OR6C75: variants seen among roughly 807,000 people sequenced by gnomAD.
OR6C75 encodes olfactory receptor family 6 subfamily C member 75.
For synonymous variants in OR6C75, 149 were observed against 130.6 expected, an observed-to-expected ratio of 1.14 and a Z score of -0.96; for missense variants, 380 against 368.0, an observed-to-expected ratio of 1.03 and a Z score of -0.27.
rs759717442 is a variant in OR6C75, at chr12:55,365,175, A to G, written c.65A>G (p.Gln22Arg). The change falls in exon 3 of 3, where the codon CAG becomes CGG. Residue 22 changes from glutamine (Q) to arginine (R), a missense_variant. Gln to Arg is a conservative substitution (Grantham distance 43). Coordinates refer to ENST00000641576, the MANE Select transcript of OR6C75 (RefSeq NM_001005497.2). Reference protein sequence around the residue: ...LLGLTSDPQWQVVLFIFLLVT... With the variant: ...LLGLTSDPQWRVVLFIFLLVT... ...GGATTGACAAGTGACCCACAGTGGC[A>G]GGTTGTACTTTTCATATTTCTTCTT... The G allele has an allele frequency of 1.5e-5, 24 of 1,613,160 alleles. No homozygotes were observed. The East Asian group carries it at 5.3e-4, about 36-fold the overall frequency.
rs1170137372 is a variant in OR6C75 at position 55,365,409 on chromosome 12, T to C, written c.299T>C (p.Phe100Ser). 6.2e-6 allele frequency: 10 copies of C among 1,612,884 alleles called. No homozygotes were observed. Among genetic ancestry groups the C allele is most frequent in the Non-Finnish European group, 8.5e-6 (10 of 1,179,962 alleles). The stretch of plus-strand genomic sequence containing the variant: ...TATAATGGGTGTGTGGCTCAGCTAT[T>C]TTTTTTCATCTTCTTGGGGGTGACA... Reference protein sequence around the residue: ...ISYNGCVAQLFFFIFLGVTEF... With the variant: ...ISYNGCVAQLSFFIFLGVTEF... Residue 100 changes from phenylalanine to serine, a missense_variant, in exon 3 of 3, where the codon TTT becomes TCT. By Grantham distance (155) the Phe-to-Ser change is radical. Coordinates refer to ENST00000641576, the MANE Select transcript of OR6C75 (RefSeq NM_001005497.2).
Position 55,364,937 on chromosome 12 carries a change from G to A in OR6C75, c.-174G>A. ...GTTATCCAGCCTCATAAAAGAAGGAGATACTGCCACACTGCCATTTGTGAC... is the reference window on the plus strand; with the variant it reads ...GTTATCCAGCCTCATAAAAGAAGGAAATACTGCCACACTGCCATTTGTGAC... On this transcript the variant is annotated 5_prime_UTR_variant, in exon 3 of 3. Coordinates refer to ENST00000641576, the MANE Select transcript of OR6C75 (RefSeq NM_001005497.2). The A allele has an allele frequency of 1.7e-6, 1 of 582,174 alleles. No homozygotes were observed. The highest frequency in any genetic ancestry group is 3.0e-6 in the Non-Finnish European group (1 of 333,966). The allele number at this position is 582,174 out of a possible 1,614,324, so 36.1% of individuals were successfully genotyped here.
At position 55,368,630 on chromosome 12, in the gene OR6C75, T is replaced by C. The variant is rs991773383; in HGVS notation, c.*2581T>C. 1.3e-5 allele frequency: 2 copies of C among 152,092 alleles called. No individual in the cohort carries two copies. The highest frequency in any genetic ancestry group is 4.1e-4 in the South Asian group (2 of 4,828). 9.4% of individuals were successfully genotyped at this position (152,092 alleles called of 1,614,324 possible). ...ATAAAACAAAATAAAAAAGTTATTT[T>C]AAAATTTCTAAAACAAGAAAAGAAA... On this transcript the variant is annotated 3_prime_UTR_variant, in exon 3 of 3. Transcript: ENST00000641576.
Position 55,365,025 on chromosome 12 carries a change from A to G in OR6C75, c.-86A>G, listed in dbSNP as rs149800436. 5.6e-3 allele frequency: 4,841 copies of G among 864,124 alleles called. 23 individuals carry two copies. Among genetic ancestry groups the G allele is most frequent in the Non-Finnish European group, 7.7e-3 (4,277 of 554,580 alleles). The allele number at this position is 864,124 out of a possible 1,614,324, so 53.5% of individuals were successfully genotyped here. On this transcript the variant is annotated 5_prime_UTR_variant, in exon 3 of 3. The change creates a new upstream start codon in the 5' untranslated region. Coordinates refer to ENST00000641576, the MANE Select transcript of OR6C75 (RefSeq NM_001005497.2). Reference sequence around the variant, plus strand: ...AAGAGCCAGACAGAAAAAAAATAATAATTTTCTTTACTGGTGTCATAGTTT... The same window carrying G: ...AAGAGCCAGACAGAAAAAAAATAATGATTTTCTTTACTGGTGTCATAGTTT...
At position 55,365,134 on chromosome 12, in the gene OR6C75, A is replaced by G. The variant is rs769590684; in HGVS notation, c.24A>G (p.Thr8=). 14 of 1,611,318 alleles carry G rather than the reference A, an allele frequency of 8.7e-6. No homozygotes were observed. In the African/African-American group the frequency reaches 1.9e-4, roughly 22 times the overall value. The change falls in exon 3 of 3, where the codon ACA becomes ACG. Residue 8 remains threonine, a synonymous_variant. Transcript: ENST00000641576. ...TAATGAGAAATTCCACAGCAGTAAC[A>G]GACTTTATTCTTCTTGGATTGACAA... The part of the protein sequence containing the change: MRNSTAV[T]DFILLGLTSD...
At position 55,368,625 on chromosome 12, in the gene OR6C75, T is replaced by C. The variant is rs555376819; in HGVS notation, c.*2576T>C. The C allele has an allele frequency of 6.6e-6, 1 of 152,176 alleles. No individual in the cohort carries two copies. Among genetic ancestry groups the C allele is most frequent in the African/African-American group, 2.4e-5 (1 of 41,546 alleles). 9.4% of individuals were successfully genotyped at this position (152,176 alleles called of 1,614,324 possible). A position where few individuals can be genotyped will look rare whatever the true frequency, so the allele number is the denominator to read the frequency against. On this transcript the variant is annotated 3_prime_UTR_variant, in exon 3 of 3. Coordinates refer to ENST00000641576, the MANE Select transcript of OR6C75 (RefSeq NM_001005497.2). ...ATAAAATAAAACAAAATAAAAAAGTTATTTTAAAATTTCTAAAACAAGAAA... is the reference window on the plus strand; with the variant it reads ...ATAAAATAAAACAAAATAAAAAAGTCATTTTAAAATTTCTAAAACAAGAAA...
In OR6C75 at chr12:55,365,572, C is replaced by A; in HGVS notation, c.462C>A (p.Ile154=). 1 of 1,614,056 alleles carries A rather than the reference C, an allele frequency of 6.2e-7. No homozygotes were observed. The highest frequency in any genetic ancestry group is 8.5e-7 in the Non-Finnish European group (1 of 1,180,004). Residue 154 remains isoleucine, a synonymous_variant, in exon 3 of 3, where the codon ATC becomes ATA. Coordinates refer to ENST00000641576, the MANE Select transcript of OR6C75 (RefSeq NM_001005497.2). ...CCTGGCTTGCAGGGTTTCTGATCATCTTTCCACCAGTAATGCTTCTGCTGC... is the reference window on the plus strand; with the variant it reads ...CCTGGCTTGCAGGGTTTCTGATCATATTTCCACCAGTAATGCTTCTGCTGC... ...FSSWLAGFLI[I]FPPVMLLLQL...
chr12:55,369,141 T>TAGAGGGAAAG lies in OR6C75; in HGVS notation c.*3104_*3113dup, dbSNP rs919218459. ...TGATAGATAGATAGATAAAGAGAGA[T>TAGAGGGAAAG]AGAGGGAAAGAGAGGGAAAGAAGAG... On this transcript the variant is annotated 3_prime_UTR_variant, in exon 3 of 3. Transcript: ENST00000641576. 1 of 149,122 alleles carries TAGAGGGAAAG rather than the reference T, an allele frequency of 6.7e-6. No homozygotes were observed. Among genetic ancestry groups the TAGAGGGAAAG allele is most frequent in the East Asian group, 2.0e-4 (1 of 5,114 alleles). The allele number at this position is 149,122 out of a possible 1,614,324, so 9.2% of individuals were successfully genotyped here. A position where few individuals can be genotyped will look rare whatever the true frequency, so the allele number is the denominator to read the frequency against.
rs1177064265 is a variant in OR6C75 at position 55,366,563 on chromosome 12, CTT to C, written c.*515_*516del. The C allele has an allele frequency of 6.6e-6, 1 of 151,970 alleles. No individual in the cohort carries two copies. Among genetic ancestry groups the C allele is most frequent in the Admixed American group, 6.6e-5 (1 of 15,252 alleles). 9.4% of individuals were successfully genotyped at this position (151,970 alleles called of 1,614,324 possible). On this transcript the variant is annotated 3_prime_UTR_variant, in exon 3 of 3. Coordinates refer to ENST00000641576, the MANE Select transcript of OR6C75 (RefSeq NM_001005497.2). The stretch of plus-strand genomic sequence containing the variant: ...TATATGAAATGTTTAAACTATGTAT[CTT>C]AATTAATATATCTAAAATTTTTTCT...
chr12:55,364,932 A>G lies in OR6C75; in HGVS notation c.-179A>G, dbSNP rs1869759118. 5.2e-6 allele frequency: 3 copies of G among 578,986 alleles called. No homozygotes were observed. The highest frequency in any genetic ancestry group is 9.0e-6 in the Non-Finnish European group (3 of 332,042). The allele number at this position is 578,986 out of a possible 1,614,324, so 35.9% of individuals were successfully genotyped here. Reference sequence around the variant, plus strand: ...GGAATGTTATCCAGCCTCATAAAAGAAGGAGATACTGCCACACTGCCATTT... The same window carrying G: ...GGAATGTTATCCAGCCTCATAAAAGGAGGAGATACTGCCACACTGCCATTT... On this transcript the variant is annotated 5_prime_UTR_variant, in exon 3 of 3. Transcript: ENST00000641576.
rs1262902472 is a variant in OR6C75, at chr12:55,365,219, G to T, written c.109G>T (p.Val37Leu). ...TCTTCTTGTTACCTACATGTTAAGTGTGACTGGGAACCTGATCATTATCAC... is the reference window on the plus strand; with the variant it reads ...TCTTCTTGTTACCTACATGTTAAGTTTGACTGGGAACCTGATCATTATCAC... ...IFLLVTYMLS[V>L]TGNLIIITLT... is the part of the protein sequence containing the mutation. The change falls in exon 3 of 3, where the codon GTG becomes TTG. Residue 37 changes from valine (V) to leucine (L), a missense_variant. Coordinates refer to ENST00000641576, the MANE Select transcript of OR6C75 (RefSeq NM_001005497.2). The T allele has an allele frequency of 1.2e-6, 2 of 1,612,678 alleles. No homozygotes were observed. Among genetic ancestry groups the T allele is most frequent in the South Asian group, 1.1e-5 (1 of 90,752 alleles).
Position 55,365,933 on chromosome 12 carries a change from C to T in OR6C75, c.823C>T (p.Leu275Phe), listed in dbSNP as rs1313319933. 6.2e-7 allele frequency: 1 copy of T among 1,613,506 alleles called. No homozygotes were observed. Among genetic ancestry groups the T allele is most frequent in the Non-Finnish European group, 8.5e-7 (1 of 1,179,528 alleles). ...RVTLSKGVAVLNTSVAPLLNP... is the reference protein window; with the variant it reads ...RVTLSKGVAVFNTSVAPLLNP... Reference sequence around the variant, plus strand: ...GACTTTAAGCAAAGGAGTAGCTGTGCTCAATACCTCAGTGGCTCCTCTCTT... The same window carrying T: ...GACTTTAAGCAAAGGAGTAGCTGTGTTCAATACCTCAGTGGCTCCTCTCTT... Residue 275 changes from leucine (L) to phenylalanine (F), a missense_variant, in exon 3 of 3, where the codon CTC (leucine) becomes TTC (phenylalanine). Transcript: ENST00000641576.
At chr12:55,364,403 G>A (rs1428260980) in intron 2 of OR6C75, among the ~76,000 whole-genome samples, 10 of 121,724 alleles carry the variant, frequency 8.2e-5, no homozygotes, top group Non-Finnish European at 1.3e-4. Context: ...TCAGCTCACT[G>A]CAACCTCCAC....
In OR6C75 at chr12:55,363,807, C is replaced by T. The variant is rs1345190932; in HGVS notation, c.-311C>T. On this transcript the variant is annotated 5_prime_UTR_variant, in exon 2 of 3. Coordinates refer to ENST00000641576, the MANE Select transcript of OR6C75 (RefSeq NM_001005497.2). ...CTTGTTTTCAGGGAATATACTGAAA[C>T]ATTTAGAAGACAGAGATGTATTCTG... 3 of 151,748 alleles carry T rather than the reference C, an allele frequency of 2.0e-5. No individual in the cohort carries two copies. The highest frequency in any genetic ancestry group is 4.8e-5 in the African/African-American group (2 of 41,316). The allele number at this position is 151,748 out of a possible 1,614,324, so 9.4% of individuals were successfully genotyped here. A position where few individuals can be genotyped will look rare whatever the true frequency, so the allele number is the denominator to read the frequency against.
rs1869801875 is a variant in OR6C75 at position 55,366,220 on chromosome 12, T to C, written c.*171T>C. 4 of 531,754 alleles carry C rather than the reference T, an allele frequency of 7.5e-6. No homozygotes were observed. Among genetic ancestry groups the C allele is most frequent in the Non-Finnish European group, 1.3e-5 (4 of 304,134 alleles). 32.9% of individuals were successfully genotyped at this position (531,754 alleles called of 1,614,324 possible). On this transcript the variant is annotated 3_prime_UTR_variant, in exon 3 of 3. Transcript: ENST00000641576. The stretch of plus-strand genomic sequence containing the variant: ...AGCCTAAAAACCAAGATTTAGCTCT[T>C]CTAAACTATATAGAAAGTGTTCGCT...
chr12:55,364,098 C>T (rs1869732077), intron 2 of OR6C75, among the ~76,000 whole-genome samples: 1 of 150,388 alleles, frequency 6.6e-6, no homozygotes, highest in Non-Finnish European at 1.5e-5. Context: ...CCTGCCTCAG[C>T]CTCTGGAGTA....
chr12:55,365,537 G>A lies in OR6C75; in HGVS notation c.427G>A (p.Val143Ile). 1 of 1,613,922 alleles carries A rather than the reference G, an allele frequency of 6.2e-7. No homozygotes were observed. Among genetic ancestry groups the A allele is most frequent in the Admixed American group, 1.7e-5 (1 of 59,988 alleles). The change falls in exon 3 of 3, where the codon GTC becomes ATC. Residue 143 changes from valine to isoleucine, a missense_variant. Coordinates refer to ENST00000641576, the MANE Select transcript of OR6C75 (RefSeq NM_001005497.2). ...IMSTRVCTLL[V>I]FSSWLAGFLI... is the part of the protein sequence containing the mutation. ...GAGCACCAGAGTGTGTACCCTTCTT[G>A]TCTTTAGCTCCTGGCTTGCAGGGTT...
In OR6C75 at chr12:55,366,711, G is replaced by A. The variant is rs1284454182; in HGVS notation, c.*662G>A. ...CATTAAATAAAAGTGTAAGACAAAT[G>A]TGCAGAGATATTATCTCTGTTGTTT... On this transcript the variant is annotated 3_prime_UTR_variant, in exon 3 of 3. Coordinates refer to ENST00000641576, the MANE Select transcript of OR6C75 (RefSeq NM_001005497.2). The A allele has an allele frequency of 6.6e-6, 1 of 152,070 alleles. No homozygotes were observed. Among genetic ancestry groups the A allele is most frequent in the Non-Finnish European group, 1.5e-5 (1 of 67,992 alleles). 9.4% of individuals were successfully genotyped at this position (152,070 alleles called of 1,614,324 possible).
In OR6C75 at chr12:55,365,762, A is replaced by ATTG. The variant is rs780674227; in HGVS notation, c.652_653insTTG (p.Asn218delinsIleAsp). The ATTG allele has an allele frequency of 8.1e-6, 13 of 1,613,946 alleles. No homozygotes were observed. In the Admixed American group the frequency reaches 2.2e-4, roughly 27 times the overall value. On this transcript the variant is annotated protein_altering_variant, in exon 3 of 3. Coordinates refer to ENST00000641576, the MANE Select transcript of OR6C75 (RefSeq NM_001005497.2). ...GACATTAGTTATTCTCTCCTACACA[A>ATTG]ACATCATCCGGACAATTCTGAAAAT...
Sources: gnomAD v4.1 joint callset for allele counts (sites outside exome capture counted in the v4.1 genomes callset) on GRCh38, gnomAD v4.1.1 for gene constraint, MANE v1.5 for transcripts, NCBI Gene and HGNC (gene_info 2026-07-23, HGNC 2026-07-21) for gene names.